Variants in RHPN2 observed in about 807,000 individuals in gnomAD.
RHPN2 encodes the protein rhophilin Rho GTPase binding protein 2, also known as rhophilin-2.
Under a neutral mutation model 79.0 loss-of-function variants are expected in RHPN2, and 40 were observed. That is an observed-to-expected ratio of 0.51 (90% CI 0.39 to 0.66). The LOEUF (loss-of-function observed/expected upper bound fraction) is 0.66. Ranked by LOEUF, RHPN2 falls within the 30% of genes least tolerant of loss-of-function variation. The probability of loss-of-function intolerance (pLI) is 0.00; values close to 1 mark genes in which losing one functional copy is unlikely to be tolerated. For synonymous variants in RHPN2, 285 were observed against 363.5 expected, an observed-to-expected ratio of 0.78 and a Z score of 2.46; for missense variants, 686 against 883.5, an observed-to-expected ratio of 0.78 and a Z score of 2.83.
At chr19:32,999,561 C>T in intron 10 of RHPN2, 25 bp downstream of exon 10, 1 of 1,605,176 alleles carries the variant, frequency 6.2e-7, no homozygotes, top group East Asian at 2.3e-5. Flanking sequence ...GTGGGGCCCA[C>T]ATCTGGGTGC....
intron 7 of RHPN2, among the ~76,000 whole-genome samples, chr19:33,004,086 T>A (rs973805597): frequency 2.6e-5 from 4 of 152,230 alleles, no homozygotes; most frequent in Non-Finnish European, 4.4e-5. Context: ...TTGCCCAGAC[T>A]GGAGTGCGGT....
intron 11 of RHPN2, among the ~76,000 whole-genome samples, chr19:32,994,729 C>T (rs75923582): frequency 1.3e-5 from 2 of 151,860 alleles, no homozygotes; most frequent in South Asian, 2.1e-4. Context: ...TGGGAGGCCA[C>T]GGTGGGAGGA....
intron 14 of RHPN2, among the ~76,000 whole-genome samples, chr19:32,984,151 A>G (rs1251504532): frequency 6.6e-6 from 1 of 152,058 alleles, no homozygotes; most frequent in Non-Finnish European, 1.5e-5. Context: ...CTTGATTCCA[A>G]GCTTAGATTT....
intron 14 of RHPN2, among the ~76,000 whole-genome samples, chr19:32,983,251 G>A (rs997823123): frequency 3.3e-5 from 5 of 151,816 alleles, no homozygotes; most frequent in African/African-American, 4.8e-5. Flanking sequence ...GGTGGCTCAC[G>A]CCTGTAATCC....
intron 13 of RHPN2, chr19:32,990,918 ACTTGGGAGGCTGAGGCAGGAGAATTG>A: frequency 4.3e-6 from 2 of 462,060 alleles, no homozygotes; most frequent in African/African-American, 4.0e-5. Context: ...AGTCCTAGCT[ACTTGGGAGGCTGAGGCAGGAGAATTG>A]CTTGAACCCG....
At chr19:33,064,523 C>T (rs1041376703) in intron 1 of RHPN2, among the ~76,000 whole-genome samples, 154 of 152,292 alleles carry the variant, frequency 1.0e-3, no homozygotes, top group African/African-American at 3.4e-3. Context: ...CCAGGTCCTC[C>T]GCCCGCACCT....
At chr19:33,034,605 C>CAAAA (rs71176187) in intron 2 of RHPN2, among the ~76,000 whole-genome samples, 9,438 of 95,030 alleles carry the variant, frequency 0.099, 690 homozygotes, top group South Asian at 0.23. Flanking sequence ...GACTCCGTCT[C>CAAAA]AAAAAAAAAA....
chr19:33,055,012 G>A (rs1972220434), intron 1 of RHPN2, among the ~76,000 whole-genome samples: 1 of 152,114 alleles, frequency 6.6e-6, no homozygotes, highest in Non-Finnish European at 1.5e-5. Context: ...CAGCTGGGCA[G>A]ACCCTCCCCT....
intron 3 of RHPN2, 27 bp downstream of exon 3, chr19:33,026,475 CTT>C: frequency 6.2e-7 from 1 of 1,605,112 alleles, no homozygotes. Flanking sequence ...GGCTCAGAGG[CTT>C]TTGGAAGGTG....
chr19:33,034,036 T>A (rs895885529), intron 2 of RHPN2, among the ~76,000 whole-genome samples: 12 of 151,800 alleles, frequency 7.9e-5, no homozygotes, highest in Non-Finnish European at 1.6e-4. Context: ...TTTTTTTTTT[T>A]AATAGAGTCA....
intron 2 of RHPN2, among the ~76,000 whole-genome samples, chr19:33,034,541 G>C (rs892088039): frequency 2.7e-5 from 4 of 145,702 alleles, no homozygotes; most frequent in African/African-American, 1.0e-4. Flanking sequence ...GGGAGGCAGA[G>C]CTTACAGTGA....
At chr19:33,019,504 G>C (rs1248163841) in intron 4 of RHPN2, among the ~76,000 whole-genome samples, 1 of 151,968 alleles carries the variant, frequency 6.6e-6, no homozygotes, top group East Asian at 1.9e-4. Context: ...GCTTGAACCT[G>C]GGAGGTGAAG....
intron 2 of RHPN2, among the ~76,000 whole-genome samples, chr19:33,032,194 T>C (rs1972018993): frequency 6.6e-6 from 1 of 151,850 alleles, no homozygotes; most frequent in Non-Finnish European, 1.5e-5. Flanking sequence ...CTAATTTTTG[T>C]ATTTTTAGTA....
chr19:32,980,793 C>CT (rs1389850060), intron 14 of RHPN2, among the ~76,000 whole-genome samples: 1 of 151,968 alleles, frequency 6.6e-6, no homozygotes, highest in Non-Finnish European at 1.5e-5. Context: ...AGCTGGGGCT[C>CT]TAGGTGTGCA....
intron 2 of RHPN2, among the ~76,000 whole-genome samples, chr19:33,039,444 G>A (rs1053304533): frequency 3.0e-4 from 46 of 152,116 alleles, no homozygotes; most frequent in Non-Finnish European, 7.4e-5. Flanking sequence ...CATCACCCCC[G>A]TCCAGAGGTC....
chr19:33,049,499 A>G (rs1045689452), intron 1 of RHPN2, among the ~76,000 whole-genome samples: 1 of 152,196 alleles, frequency 6.6e-6, no homozygotes, highest in African/African-American at 2.4e-5. Flanking sequence ...TAAACCTCTC[A>G]CACCTGTGGG....
At chr19:33,005,432 A>AAG (rs1045803851) in intron 7 of RHPN2, among the ~76,000 whole-genome samples, 2 of 150,764 alleles carry the variant, frequency 1.3e-5, no homozygotes, top group African/African-American at 4.9e-5. Context: ...AAAAAAAAAA[A>AAG]AAAAATCTCA....
chr19:33,064,840 G>C lies in RHPN2; in HGVS notation c.13C>G (p.Leu5Val). The C allele has an allele frequency of 2.8e-6, 4 of 1,421,586 alleles. No homozygotes were observed. Among genetic ancestry groups the C allele is most frequent in the Non-Finnish European group, 3.7e-6 (4 of 1,080,158 alleles). The allele number at this position is 1,421,586 out of a possible 1,614,324, so 88.1% of individuals were successfully genotyped here. ...AGCGGCTGGGGGGCCGCGGGCAACA[G>C]CGCGTCGGTCATGCTAGCGGCGCGG... MTDA[L>V]LPAAPQPLEK... is the part of the protein sequence containing the mutation. Residue 5 changes from leucine (L) to valine (V), a missense_variant, in exon 1 of 15, where the codon CTG (leucine) becomes GTG (valine). Physicochemically the swap from Leu to Val is conservative, Grantham distance 32. Coordinates refer to ENST00000254260, the MANE Select transcript of RHPN2 (RefSeq NM_033103.5).
chr19:33,037,623 C>T (rs982805427), intron 2 of RHPN2, among the ~76,000 whole-genome samples: 2 of 151,666 alleles, frequency 1.3e-5, no homozygotes, highest in Non-Finnish European at 3.0e-5. Context: ...CAACTCCAGA[C>T]GAACAACTCC....
Sources: gnomAD v4.1 joint callset for allele counts (sites outside exome capture counted in the v4.1 genomes callset) on GRCh38, gnomAD v4.1.1 for gene constraint, MANE v1.5 for transcripts, NCBI Gene and HGNC (gene_info 2026-07-23, HGNC 2026-07-21) for gene names.